Variants in ULK4 observed in about 807,000 individuals in gnomAD.
ULK4 encodes the protein inactive serine/threonine-protein kinase ULK4.
In ULK4, 133 loss-of-function variants were observed where a neutral mutation model predicts 160.6. The ratio of observed to expected loss-of-function variants is 0.83; its 90% CI spans 0.72 to 0.96. ULK4 has a LOEUF of 0.96. Ranked by LOEUF, ULK4 falls within the 40% of genes least tolerant of loss-of-function variation. ULK4 has a pLI of 0.00. For synonymous variants in ULK4, 534 were observed against 539.8 expected (o/e 0.99, Z 0.15); for missense variants, 1,580 against 1,499.5 (o/e 1.05, Z -0.89).
In ULK4 at chr3:41,637,063, T is replaced by C. The variant is rs371299031; in HGVS notation, c.3072-21346A>G. 5.9e-5 allele frequency among the ~76,000 whole-genome samples: 9 copies of C among 152,308 alleles called. No individual in the cohort carries two copies. In the South Asian group the frequency reaches 8.3e-4, roughly 14 times the overall value. ...GCTCATTAATATATACATTATCTTC[T>C]TGTGGTGAGAATACTTAAAATCTAC... On this transcript the variant is annotated intron_variant, in intron 30 of 36. Transcript: ENST00000301831.
At chr3:41,457,241 G>A (rs1397508315) in intron 33 of ULK4, among the ~76,000 whole-genome samples, 2 of 152,218 alleles carry the variant, frequency 1.3e-5, no homozygotes, top group African/African-American at 2.4e-5. Flanking sequence ...TGAGGGGTAC[G>A]GTGCCTCCTT....
At chr3:41,508,391 C>A (rs2085465326) in intron 32 of ULK4, among the ~76,000 whole-genome samples, 1 of 152,158 alleles carries the variant, frequency 6.6e-6, no homozygotes, top group South Asian at 2.1e-4. Context: ...CTCTTGGGCG[C>A]TCTATGGCCC....
intron 30 of ULK4, among the ~76,000 whole-genome samples, chr3:41,644,695 A>T (rs1229721430): frequency 6.6e-6 from 1 of 151,176 alleles, no homozygotes; most frequent in African/African-American, 2.4e-5. Context: ...TATCAGGATG[A>T]TGCTGGCCTC....
In ULK4 at chr3:41,919,749, G is replaced by C. The variant is rs779303137; in HGVS notation, c.611C>G (p.Ser204Cys). Reference sequence around the variant, plus strand: ...CATTTCATAAAGCAGACAGCCCAAAGACCAGAGGTCACTGGAGATGGAAAA... The same window carrying C: ...CATTTCATAAAGCAGACAGCCCAAACACCAGAGGTCACTGGAGATGGAAAA... ...ADFSISSDLW[S>C]LGCLLYEMFS... is the part of the protein sequence containing the mutation. The change falls in exon 6 of 37, where the codon TCT becomes TGT. Residue 204 changes from serine to cysteine, a missense_variant. Transcript: ENST00000301831. 2 of 1,614,090 alleles carry C rather than the reference G, an allele frequency of 1.2e-6. No homozygotes were observed. Among genetic ancestry groups the C allele is most frequent in the South Asian group, 2.2e-5 (2 of 91,078 alleles).
chr3:41,859,752 G>A (rs1286847864), intron 17 of ULK4, among the ~76,000 whole-genome samples: 1 of 151,764 alleles, frequency 6.6e-6, no homozygotes, highest in Admixed American at 6.6e-5. Flanking sequence ...CCACCTCCCA[G>A]GTTCAAGCAA....
chr3:41,925,612 G>A (rs1217660881), intron 5 of ULK4, among the ~76,000 whole-genome samples: 2 of 152,122 alleles, frequency 1.3e-5, no homozygotes, highest in South Asian at 2.1e-4. Context: ...CAGGCTCAGC[G>A]GGTCCCACCC....
chr3:41,732,408 A>G (rs1178298541), intron 22 of ULK4, among the ~76,000 whole-genome samples: 3 of 152,266 alleles, frequency 2.0e-5, no homozygotes, highest in African/African-American at 7.2e-5. Context: ...TAAAACCACA[A>G]TGAGGTATCA....
chr3:41,913,888 G>C (rs911162390), intron 8 of ULK4, among the ~76,000 whole-genome samples: 1 of 152,122 alleles, frequency 6.6e-6, no homozygotes, highest in African/African-American at 2.4e-5. Context: ...TCTTGAGCCT[G>C]GGAGGGAGAG....
At chr3:41,653,570 C>T (rs901582705) in intron 30 of ULK4, among the ~76,000 whole-genome samples, 4 of 152,302 alleles carry the variant, frequency 2.6e-5, no homozygotes, top group South Asian at 2.1e-4. Context: ...TCTAAAATTC[C>T]AATATTTCTG....
intron 5 of ULK4, among the ~76,000 whole-genome samples, chr3:41,920,694 T>C (rs377563834): frequency 1.3e-5 from 2 of 152,124 alleles, no homozygotes; most frequent in East Asian, 3.8e-4. Context: ...TCCAATGATT[T>C]GGAAACAAAA....
intron 20 of ULK4, among the ~76,000 whole-genome samples, chr3:41,796,196 T>A (rs995640805): frequency 6.6e-6 from 1 of 151,978 alleles, no homozygotes; most frequent in African/African-American, 2.4e-5. Context: ...CTGGTTACAC[T>A]AAGGGGAACA....
chr3:41,247,653 G>A (rs1277151459), intron 36 of ULK4, among the ~76,000 whole-genome samples: 2 of 152,210 alleles, frequency 1.3e-5, no homozygotes, highest in East Asian at 3.9e-4. Flanking sequence ...GCAGTGGGAT[G>A]GGGCCATGAC....
At chr3:41,249,771 G>A (rs1311788756) in intron 35 of ULK4, among the ~76,000 whole-genome samples, 197 bp from the exon 36 acceptor site, 1 of 152,190 alleles carries the variant, frequency 6.6e-6, no homozygotes, top group African/African-American at 2.4e-5. Context: ...GAAAGAGGCA[G>A]GACACTGGTG....
chr3:41,863,394 A>C (rs2042549116), intron 17 of ULK4, among the ~76,000 whole-genome samples: 1 of 152,174 alleles, frequency 6.6e-6, no homozygotes, highest in Non-Finnish European at 1.5e-5. Flanking sequence ...CCAAGAGTCA[A>C]GTCCTGAAAT....
At chr3:41,758,266 G>A (rs1418873773) in intron 21 of ULK4, among the ~76,000 whole-genome samples, 2 of 151,992 alleles carry the variant, frequency 1.3e-5, no homozygotes, top group African/African-American at 4.8e-5. Flanking sequence ...CCCGTCTAAG[G>A]TACCTTGTTA....
chr3:41,541,246 G>A (rs2086685193), intron 32 of ULK4, among the ~76,000 whole-genome samples: 1 of 152,120 alleles, frequency 6.6e-6, no homozygotes, highest in Non-Finnish European at 1.5e-5. Context: ...TTCTGCATAT[G>A]GCCAGCCAGT....
chr3:41,380,124 G>T (rs1365670387), intron 35 of ULK4, among the ~76,000 whole-genome samples: 1 of 152,070 alleles, frequency 6.6e-6, no homozygotes, highest in Non-Finnish European at 1.5e-5. Context: ...ATGAGTGAGG[G>T]TCTGACAGAT....
intron 30 of ULK4, among the ~76,000 whole-genome samples, chr3:41,659,653 G>C (rs934138940): frequency 1.3e-5 from 2 of 149,060 alleles, no homozygotes; most frequent in East Asian, 3.9e-4. Context: ...AAACCCAAGG[G>C]AAAGAAATTT....
chr3:41,339,571 C>T (rs981282426), intron 35 of ULK4, among the ~76,000 whole-genome samples: 1 of 152,152 alleles, frequency 6.6e-6, no homozygotes, highest in Non-Finnish European at 1.5e-5. Flanking sequence ...CAACTTATTC[C>T]CAAATCCTCA....
Sources: gnomAD v4.1 joint callset for allele counts (sites outside exome capture counted in the v4.1 genomes callset) on GRCh38, gnomAD v4.1.1 for gene constraint, MANE v1.5 for transcripts, NCBI Gene and HGNC (gene_info 2026-07-23, HGNC 2026-07-21) for gene names.